The following IL7R variants were observed in gnomAD, a reference collection of about 807,000 sequenced individuals.
IL7R encodes the protein interleukin 7 receptor.
Under a neutral mutation model 47.0 loss-of-function variants are expected in IL7R, and 38 were observed. The ratio of observed to expected loss-of-function variants is 0.81; its 90% CI spans 0.62 to 1.06. The LOEUF (loss-of-function observed/expected upper bound fraction) is 1.06, where lower values mean the gene tolerates loss of function less well. IL7R is among the 50% of genes least tolerant of loss of function. The probability of loss-of-function intolerance (pLI) is 0.00; values close to 1 mark genes in which losing one functional copy is unlikely to be tolerated. For synonymous variants in IL7R, 221 were observed against 199.8 expected (o/e 1.11, Z -0.89); for missense variants, 633 against 534.8 (o/e 1.18, Z -1.81).
In IL7R at chr5:35,877,534, T is replaced by A. The variant is rs1027527546; in HGVS notation, c.*1048T>A. 1 of 233,112 alleles carries A rather than the reference T, an allele frequency of 4.3e-6. No homozygotes were observed. Among genetic ancestry groups the A allele is most frequent in the African/African-American group, 2.2e-5 (1 of 45,352 alleles). The allele number at this position is 233,112 out of a possible 1,614,324, so 14.4% of individuals were successfully genotyped here. On this transcript the variant is annotated 3_prime_UTR_variant, in exon 8 of 8. Transcript: ENST00000303115. ...ATCCGTCCATGATCTCAGAGGAAACTGTCGCTGACCCTGGACATGGGTACG... is the reference window on the plus strand; with the variant it reads ...ATCCGTCCATGATCTCAGAGGAAACAGTCGCTGACCCTGGACATGGGTACG...
chr5:35,875,785 C>A, intron 7 of IL7R, 198 bp downstream of exon 7: 2 of 763,314 alleles, frequency 2.6e-6, no homozygotes, highest in Non-Finnish European at 4.5e-6. Flanking sequence ...CTCCCTGGGG[C>A]TGGAGGGCAC....
Position 35,876,130 on chromosome 5 carries a change from G to C in IL7R, c.1024G>C (p.Gly342Arg), listed in dbSNP as rs1368822057. 4 of 1,614,194 alleles carry C rather than the reference G, an allele frequency of 2.5e-6. No individual in the cohort carries two copies. Among genetic ancestry groups the C allele is most frequent in the Non-Finnish European group, 3.4e-6 (4 of 1,180,026 alleles). Residue 342 changes from glycine (G) to arginine (R), a missense_variant, in exon 8 of 8, where the codon GGG (glycine) becomes CGG (arginine). Transcript: ENST00000303115. ...LEESEKQRLG[G>R]DVQSPNCPSE... ...AGAATCTGAGAAGCAGAGGCTTGGA[G>C]GGGATGTGCAGAGCCCCAACTGCCC...
intron 2 of IL7R, 24 bp from the exon 3 acceptor site, chr5:35,867,282 C>T: frequency 1.2e-6 from 2 of 1,609,392 alleles, no homozygotes; most frequent in Non-Finnish European, 1.7e-6. Context: ...TGAATCAAGA[C>T]ATATCCCCTT....
chr5:35,875,807 A>C, intron 7 of IL7R, 176 bp from the exon 8 acceptor site: 3 of 800,818 alleles, frequency 3.7e-6, no homozygotes. Context: ...GCCAGTGGTC[A>C]CTTCAAGTCT....
intron 3 of IL7R, 103 bp downstream of exon 3, chr5:35,867,566 C>A (rs774735874): frequency 4.0e-5 from 35 of 883,230 alleles, no homozygotes; most frequent in Non-Finnish European, 6.2e-5. Flanking sequence ...GTGGAAACAA[C>A]TGGCAATAGA....
rs1395865725 is a variant in IL7R, at chr5:35,867,434, C to A, written c.350C>A (p.Thr117Asn). The A allele has an allele frequency of 1.2e-6, 2 of 1,612,898 alleles. No individual in the cohort carries two copies. The highest frequency in any genetic ancestry group is 2.2e-5 in the East Asian group (1 of 44,854). The change falls in exon 3 of 8, where the codon ACC becomes AAC. Residue 117 changes from threonine (T) to asparagine (N), a missense_variant. By Grantham distance (65) the Thr-to-Asn change is moderately conservative. Transcript: ENST00000303115. ...GTGAAGGTTGGAGAAAAGAGTCTAA[C>A]CTGCAAAAAAATAGACCTAACCACT... ...ICVKVGEKSLTCKKIDLTTIV... is the reference protein window; with the variant it reads ...ICVKVGEKSLNCKKIDLTTIV...
chr5:35,879,015 C>T lies in IL7R; in HGVS notation c.*2529C>T. On this transcript the variant is annotated 3_prime_UTR_variant, in exon 8 of 8. Transcript: ENST00000303115. The stretch of plus-strand genomic sequence containing the variant: ...CTGCTGTTAATTCTTGATTATATAC[C>T]TAGGGACAATGTGTAATGTAAGATT... The T allele has an allele frequency of 4.3e-6, 1 of 232,594 alleles. No homozygotes were observed. Among genetic ancestry groups the T allele is most frequent in the Non-Finnish European group, 8.5e-6 (1 of 117,810 alleles). 14.4% of individuals were successfully genotyped at this position (232,594 alleles called of 1,614,324 possible). A position where few individuals can be genotyped will look rare whatever the true frequency, so the allele number is the denominator to read the frequency against.
intron 2 of IL7R, among the ~76,000 whole-genome samples, chr5:35,861,605 C>G (rs187634125): frequency 5.3e-4 from 80 of 152,230 alleles, no homozygotes; most frequent in African/African-American, 1.9e-3. Flanking sequence ...CATCTTGACA[C>G]AATTTGACTT....
intron 2 of IL7R, among the ~76,000 whole-genome samples, chr5:35,864,716 T>C (rs1759896671): frequency 6.6e-6 from 1 of 152,186 alleles, no homozygotes. Flanking sequence ...TACATTTCCT[T>C]TGTCAGATAG....
Position 35,877,133 on chromosome 5 carries a change from G to A in IL7R, c.*647G>A, listed in dbSNP as rs538953523. 1.3e-4 allele frequency: 30 copies of A among 233,774 alleles called. No individual in the cohort carries two copies. Among genetic ancestry groups the A allele is most frequent in the African/African-American group, 5.5e-4 (25 of 45,430 alleles). The allele number at this position is 233,774 out of a possible 1,614,324, so 14.5% of individuals were successfully genotyped here. A position where few individuals can be genotyped will look rare whatever the true frequency, so the allele number is the denominator to read the frequency against. On this transcript the variant is annotated 3_prime_UTR_variant, in exon 8 of 8. Coordinates refer to ENST00000303115, the MANE Select transcript of IL7R (RefSeq NM_002185.5). The stretch of plus-strand genomic sequence containing the variant: ...ACTGCCCCATTCTTGAGTGCCAAAC[G>A]TCACTAGTAACAGGGTGTGCCTAGA...
Position 35,877,958 on chromosome 5 carries a change from T to A in IL7R, c.*1472T>A. The A allele has an allele frequency of 4.3e-6, 1 of 233,296 alleles. No homozygotes were observed. The highest frequency in any genetic ancestry group is 8.5e-6 in the Non-Finnish European group (1 of 118,074). The allele number at this position is 233,296 out of a possible 1,614,324, so 14.5% of individuals were successfully genotyped here. On this transcript the variant is annotated 3_prime_UTR_variant, in exon 8 of 8. Coordinates refer to ENST00000303115, the MANE Select transcript of IL7R (RefSeq NM_002185.5). ...AGAGAAGGGGTCATAGGTTCATGGT[T>A]TTGTTTGAGATTTGTTGCTACTGTT...
rs1760266436 is a variant in IL7R, at chr5:35,878,381, A to C, written c.*1895A>C. 4.3e-6 allele frequency: 1 copy of C among 229,912 alleles called. No homozygotes were observed. 14.2% of individuals were successfully genotyped at this position (229,912 alleles called of 1,614,324 possible). On this transcript the variant is annotated 3_prime_UTR_variant, in exon 8 of 8. Coordinates refer to ENST00000303115, the MANE Select transcript of IL7R (RefSeq NM_002185.5). The stretch of plus-strand genomic sequence containing the variant: ...ACCTAAAGACACATAAAAGGATGGC[A>C]TTCTGCCTCATAAATTGCAAAACCT...
chr5:35,861,918 A>T (rs992233410), intron 2 of IL7R, among the ~76,000 whole-genome samples: 1 of 152,120 alleles, frequency 6.6e-6, no homozygotes, highest in African/African-American at 2.4e-5. Flanking sequence ...GTAAATCAAG[A>T]TCCACCAGTA....
Position 35,873,563 on chromosome 5 carries a change from C to T in IL7R, c.621C>T (p.Ser207=), listed in dbSNP as rs866344764. 6.2e-7 allele frequency: 1 copy of T among 1,613,792 alleles called. No individual in the cohort carries two copies. The highest frequency in any genetic ancestry group is 8.5e-7 in the Non-Finnish European group (1 of 1,179,680). The change falls in exon 5 of 8, where the codon TCC becomes TCT. Residue 207 remains serine, a synonymous_variant. Transcript: ENST00000303115. ...CAATGTATGAGATTAAAGTTCGATC[C>T]ATCCCTGATCACTATTTTAAAGGCT... The part of the protein sequence containing the change: ...PAAMYEIKVR[S]IPDHYFKGFW...
At chr5:35,867,212 A>G in intron 2 of IL7R, 94 bp from the exon 3 acceptor site, 1 of 1,152,834 alleles carries the variant, frequency 8.7e-7, no homozygotes, top group Non-Finnish European at 1.3e-6. Context: ...AACAGAGTTA[A>G]AGTCAAACAT....
At position 35,876,520 on chromosome 5, in the gene IL7R, C is replaced by A. The variant is rs201713518; in HGVS notation, c.*34C>A. 2.5e-6 allele frequency: 4 copies of A among 1,597,968 alleles called. No individual in the cohort carries two copies. Among genetic ancestry groups the A allele is most frequent in the South Asian group, 1.1e-5 (1 of 90,978 alleles). Reference sequence around the variant, plus strand: ...AAACCCAGACTGAACTTACCGTGAGCGACAAAGATGATTTAAAAGGGAAGT... The same window carrying A: ...AAACCCAGACTGAACTTACCGTGAGAGACAAAGATGATTTAAAAGGGAAGT... On this transcript the variant is annotated 3_prime_UTR_variant, in exon 8 of 8. Transcript: ENST00000303115.
At chr5:35,866,380 C>T (rs1759939814) in intron 2 of IL7R, among the ~76,000 whole-genome samples, 1 of 151,984 alleles carries the variant, frequency 6.6e-6, no homozygotes, top group South Asian at 2.1e-4. Flanking sequence ...AATATTTTGG[C>T]CAGGTTTGGG....
chr5:35,867,583 C>A, intron 3 of IL7R, 120 bp downstream of exon 3: 1 of 766,246 alleles, frequency 1.3e-6, no homozygotes, highest in Non-Finnish European at 2.3e-6. Context: ...TAGATAATAG[C>A]TAATTCCCTA....
chr5:35,867,971 TC>T (rs1374819131), intron 3 of IL7R, among the ~76,000 whole-genome samples: 5 of 152,202 alleles, frequency 3.3e-5, no homozygotes, highest in Non-Finnish European at 7.3e-5. Flanking sequence ...AGGAGAGATT[TC>T]TATTAAGAAA....
Sources: allele counts gnomAD v4.1 joint callset (sites outside exome capture counted in the v4.1 genomes callset), GRCh38; gene constraint gnomAD v4.1.1; transcripts MANE v1.5; gene names NCBI Gene and HGNC (gene_info 2026-07-23, HGNC 2026-07-21).